Variants in ADGRL2 observed in about 807,000 individuals in gnomAD.
ADGRL2 encodes the protein adhesion G protein-coupled receptor L2, also known as calcium-independent alpha-latrotoxin receptor 2.
Under a neutral mutation model 157.4 loss-of-function variants are expected in ADGRL2, and 44 were observed. That is an observed-to-expected ratio of 0.28 (90% CI 0.22 to 0.36). The LOEUF (loss-of-function observed/expected upper bound fraction) is 0.36, where lower values mean the gene tolerates loss of function less well. Ranked by LOEUF, ADGRL2 falls within the 10% of genes least tolerant of loss-of-function variation. The pLI is 1.00. For missense variants in ADGRL2, 1,510 were observed against 1,768.9 expected (o/e 0.85, Z 2.63); for synonymous variants, 585 against 624.7 (o/e 0.94, Z 0.95).
intron 1 of ADGRL2, among the ~76,000 whole-genome samples, chr1:81,835,065 C>T (rs1431894100): frequency 6.6e-6 from 1 of 152,090 alleles, no homozygotes; most frequent in Non-Finnish European, 1.5e-5. Context: ...CCTCCTCCTT[C>T]CCACAAACAA....
chr1:81,567,844 A>T (rs934017855), intron 2 of ADGRL2, among the ~76,000 whole-genome samples: 1 of 152,126 alleles, frequency 6.6e-6, no homozygotes. Flanking sequence ...TGGGAAAAAG[A>T]TATTTTTCCC....
intron 1 of ADGRL2, among the ~76,000 whole-genome samples, chr1:81,359,150 T>C (rs892445921): frequency 6.6e-6 from 1 of 152,004 alleles, no homozygotes; most frequent in Non-Finnish European, 1.5e-5. Context: ...AACATGCAAA[T>C]GGAGGCCAGA....
At chr1:81,748,776 T>C (rs2085397613) in intron 1 of ADGRL2, among the ~76,000 whole-genome samples, 1 of 152,046 alleles carries the variant, frequency 6.6e-6, no homozygotes, top group African/African-American at 2.4e-5. Context: ...CAAACGATTT[T>C]CCTGCCTTAG....
chr1:81,746,117 A>T (rs2085238938), intron 1 of ADGRL2, among the ~76,000 whole-genome samples: 1 of 152,112 alleles, frequency 6.6e-6, no homozygotes, highest in African/African-American at 2.4e-5. Flanking sequence ...GAAAGTTTTC[A>T]TTTTGATTTT....
intron 1 of ADGRL2, among the ~76,000 whole-genome samples, chr1:81,358,196 T>C (rs1292657329): frequency 3.9e-5 from 6 of 152,212 alleles, no homozygotes; most frequent in African/African-American, 1.4e-4. Context: ...GATTTTAGAC[T>C]TTTTAAACTG....
At chr1:81,560,180 T>C (rs1013579437) in intron 2 of ADGRL2, among the ~76,000 whole-genome samples, 1 of 152,110 alleles carries the variant, frequency 6.6e-6, no homozygotes, top group African/African-American at 2.4e-5. Flanking sequence ...AAACAAAACA[T>C]TTCAAAGAGT....
intron 1 of ADGRL2, among the ~76,000 whole-genome samples, chr1:81,394,187 G>T (rs534539283): frequency 4.6e-5 from 7 of 151,988 alleles, no homozygotes; most frequent in Non-Finnish European, 8.8e-5. Context: ...TTATATATGT[G>T]TTATTATTTA....
rs922086778 is a variant in ADGRL2, at chr1:81,837,045, C to A, written c.61C>A (p.Pro21Thr). The A allele has an allele frequency of 2.5e-6, 4 of 1,584,828 alleles. No homozygotes were observed. The highest frequency in any genetic ancestry group is 1.7e-4 in the Middle Eastern group (1 of 5,960). ...GTTTATCATTGTAATCAGCTTCTTACCAAATACAGAAGGTAAGATCCAGTT... is the reference window on the plus strand; with the variant it reads ...GTTTATCATTGTAATCAGCTTCTTAACAAATACAGAAGGTAAGATCCAGTT... ...LWFIIVISFL[P>T]NTEGFSRAAL... Residue 21 changes from proline (P) to threonine (T), a missense_variant, in exon 2 of 24, where the codon CCA becomes ACA. Around this residue, in one of 4 missense-constraint regions of ADGRL2, gnomAD observed 361 missense variants for 498.4 expected, o/e 0.72. Transcript: ENST00000686636.
chr1:81,641,555 C>T (rs35004879), intron 3 of ADGRL2, among the ~76,000 whole-genome samples: 36,837 of 152,054 alleles, frequency 0.24, 5,090 homozygotes, highest in Non-Finnish European at 0.32. Flanking sequence ...AACTTAGAGA[C>T]TGAACAAGCA....
chr1:81,446,875 A>G (rs2077606724), intron 2 of ADGRL2, among the ~76,000 whole-genome samples: 1 of 152,152 alleles, frequency 6.6e-6, no homozygotes, highest in South Asian at 2.1e-4. Context: ...TTAGGTATTT[A>G]TTACAAATGT....
intron 2 of ADGRL2, among the ~76,000 whole-genome samples, chr1:81,871,981 G>C (rs1166134093): frequency 1.3e-5 from 2 of 152,072 alleles, no homozygotes; most frequent in African/African-American, 4.8e-5. Context: ...ATTGCTTTTG[G>C]TGTTTTAGAC....
At chr1:81,841,073 T>C (rs2092558723) in intron 2 of ADGRL2, among the ~76,000 whole-genome samples, 1 of 152,168 alleles carries the variant, frequency 6.6e-6, no homozygotes, top group Admixed American at 6.5e-5. Context: ...TTACAAATAA[T>C]AGTACTTCTT....
In ADGRL2 at chr1:81,990,604, A is replaced by T. The variant is rs751362791; in HGVS notation, c.3869A>T (p.Asn1290Ile). 1 of 1,614,160 alleles carries T rather than the reference A, an allele frequency of 6.2e-7. No homozygotes were observed. The highest frequency in any genetic ancestry group is 8.5e-7 in the Non-Finnish European group (1 of 1,180,034). ...TTACGGGGCAGCAGCAAGACTCACAACCTCGAGCTCACGCTACCAGTCAAA... is the reference window on the plus strand; with the variant it reads ...TTACGGGGCAGCAGCAAGACTCACATCCTCGAGCTCACGCTACCAGTCAAA... Reference protein sequence around the residue: ...NNLRGSSKTHNLELTLPVKPV... With the variant: ...NNLRGSSKTHILELTLPVKPV... The change falls in exon 24 of 24, where the codon AAC becomes ATC. Residue 1290 changes from asparagine to isoleucine, a missense_variant. By Grantham distance (149) the Asn-to-Ile change is moderately radical. Transcript: ENST00000686636.
At chr1:81,659,146 C>T (rs1315864331) in intron 3 of ADGRL2, among the ~76,000 whole-genome samples, 11 of 151,192 alleles carry the variant, frequency 7.3e-5, no homozygotes, top group Admixed American at 4.0e-4. Flanking sequence ...ACTGCAACCT[C>T]CCCCTCCTGG....
intron 1 of ADGRL2, among the ~76,000 whole-genome samples, chr1:81,716,547 C>A (rs1170203813): frequency 6.6e-6 from 1 of 152,140 alleles, no homozygotes; most frequent in African/African-American, 2.4e-5. Context: ...TCTCTACCTT[C>A]TCTTCCCTGT....
At chr1:81,545,471 G>A (rs138825409) in intron 2 of ADGRL2, among the ~76,000 whole-genome samples, 2,090 of 152,000 alleles carry the variant, frequency 0.014, 67 homozygotes, top group African/African-American at 0.048. Flanking sequence ...AGTAGAGACA[G>A]GGTTTCACCA....
At chr1:81,394,441 A>C (rs2076617918) in intron 1 of ADGRL2, among the ~76,000 whole-genome samples, 1 of 152,058 alleles carries the variant, frequency 6.6e-6, no homozygotes, top group South Asian at 2.1e-4. Flanking sequence ...TGGCTTCTTC[A>C]TCTGGGTGAG....
chr1:81,306,526 T>A (rs1180312277), intron 1 of ADGRL2: 1 of 152,188 alleles, frequency 6.6e-6, no homozygotes, highest in Non-Finnish European at 1.5e-5. Context: ...AGTCTGATTC[T>A]TCTAAAGACG....
At chr1:81,666,495 T>C (rs1426804773) in intron 3 of ADGRL2, among the ~76,000 whole-genome samples, 3 of 152,224 alleles carry the variant, frequency 2.0e-5, no homozygotes, top group African/African-American at 7.2e-5. Context: ...ATTTCATTTC[T>C]TCTCCTCTTA....
Sources: gnomAD v4.1 joint callset for allele counts (sites outside exome capture counted in the v4.1 genomes callset) on GRCh38, gnomAD v4.1.1 for gene constraint, gnomAD v4.1.1 regional missense constraint, MANE v1.5 for transcripts, NCBI Gene and HGNC (gene_info 2026-07-23, HGNC 2026-07-21) for gene names.